The following DIPK1A variants were observed in gnomAD, a reference collection of about 807,000 sequenced individuals.
DIPK1A encodes the protein family with sequence similarity 69 member A.
Under a neutral mutation model 40.8 loss-of-function variants are expected in DIPK1A, and 27 were observed. The observed-to-expected ratio is 0.66, with a 90% CI of 0.49 to 0.91. DIPK1A has a LOEUF of 0.91. Ranked by LOEUF, DIPK1A falls within the 40% of genes least tolerant of loss-of-function variation. DIPK1A has a pLI of 0.00. For synonymous variants in DIPK1A, 166 were observed against 171.3 expected (o/e 0.97, Z 0.24); for missense variants, 412 against 505.7 (o/e 0.81, Z 1.78).
chr1:92,942,362 C>T (rs1276149931), intron 1 of DIPK1A, among the ~76,000 whole-genome samples: 2 of 152,102 alleles, frequency 1.3e-5, no homozygotes, highest in Non-Finnish European at 2.9e-5. Flanking sequence ...CAATTCATTA[C>T]ATTAATATAA....
intron 1 of DIPK1A, among the ~76,000 whole-genome samples, chr1:92,947,257 A>G (rs1401391350): frequency 1.3e-5 from 2 of 152,220 alleles, no homozygotes; most frequent in Admixed American, 1.3e-4. Context: ...TACAAAAATA[A>G]ACATTTTAAG....
chr1:92,836,122 A>G, intron 4 of DIPK1A: 2 of 1,433,436 alleles, frequency 1.4e-6, no homozygotes, highest in Admixed American at 1.7e-5. Context: ...CGGTTATGAC[A>G]TAAGCTATTT....
intron 1 of DIPK1A, among the ~76,000 whole-genome samples, chr1:92,960,857 T>C (rs1219856234): frequency 3.3e-5 from 5 of 152,106 alleles, no homozygotes; most frequent in African/African-American, 1.2e-4. Context: ...GGGGAAACAC[T>C]GGTGTGACAA....
intron 4 of DIPK1A, among the ~76,000 whole-genome samples, chr1:92,834,406 G>T (rs1285754059): frequency 6.6e-6 from 1 of 152,166 alleles, no homozygotes; most frequent in East Asian, 1.9e-4. Flanking sequence ...TTTACAACTA[G>T]GAGAAATTCT....
At position 92,873,026 on chromosome 1, in the gene DIPK1A, A is replaced by T. The variant is rs967715397; in HGVS notation, c.189+3270T>A. On this transcript the variant is annotated intron_variant, in intron 2 of 4. Transcript: ENST00000370310. Reference sequence around the variant, plus strand: ...TGTCCCCAGTAGGGGCTTTCCGCCAACATAAGGTTTCTGCTTCTCAGATCC... The same window carrying T: ...TGTCCCCAGTAGGGGCTTTCCGCCATCATAAGGTTTCTGCTTCTCAGATCC... Among the ~76,000 whole-genome samples, 3 of 152,334 alleles carry T rather than the reference A, an allele frequency of 2.0e-5. No homozygotes were observed. In the South Asian group the frequency reaches 6.2e-4, roughly 32 times the overall value.
At chr1:92,888,200 T>A (rs1648701171) in intron 1 of DIPK1A, among the ~76,000 whole-genome samples, 1 of 152,072 alleles carries the variant, frequency 6.6e-6, no homozygotes, top group African/African-American at 2.4e-5. Context: ...CCCCTTACCC[T>A]TCCCCACCTC....
At chr1:92,844,362 A>C (rs1687504554) in intron 4 of DIPK1A, among the ~76,000 whole-genome samples, 167 bp from the exon 5 acceptor site, 1 of 152,236 alleles carries the variant, frequency 6.6e-6, no homozygotes, top group African/African-American at 2.4e-5. Context: ...ATACTTCCTA[A>C]GTGAACTAGA....
chr1:92,854,393 G>T (rs1207139994), intron 2 of DIPK1A, among the ~76,000 whole-genome samples: 1 of 152,200 alleles, frequency 6.6e-6, no homozygotes, highest in African/African-American at 2.4e-5. Context: ...AGCCCAGTCA[G>T]TTTGGCTCCA....
chr1:92,887,944 A>T (rs1439917057), intron 1 of DIPK1A, among the ~76,000 whole-genome samples: 2 of 151,892 alleles, frequency 1.3e-5, no homozygotes, highest in African/African-American at 4.8e-5. Flanking sequence ...GTTTTTTTTT[A>T]AATTAGGTAA....
At position 92,844,034 on chromosome 1, in the gene DIPK1A, T is replaced by C. The variant is rs1299297208; in HGVS notation, c.636A>G (p.Lys212=). Residue 212 remains lysine (K), a synonymous_variant, in exon 5 of 5, where the codon AAA becomes AAG. Coordinates refer to ENST00000370310, the MANE Select transcript of DIPK1A (RefSeq NM_001006605.5). ...EFLLMVILQD[K]EHTPKLMGFC... is the part of the protein sequence containing the mutation. The stretch of plus-strand genomic sequence containing the variant: ...ATCCCATTAATTTGGGGGTATGTTC[T>C]TTATCTTGAAGTATCACCATGAGAA... 1 of 1,552,168 alleles carries C rather than the reference T, an allele frequency of 6.4e-7. No homozygotes were observed. Among genetic ancestry groups the C allele is most frequent in the Admixed American group, 2.0e-5 (1 of 51,008 alleles).
chr1:92,845,783 T>C (rs1687581429), intron 4 of DIPK1A, among the ~76,000 whole-genome samples: 1 of 150,764 alleles, frequency 6.6e-6, no homozygotes, highest in Admixed American at 6.6e-5. Flanking sequence ...TGCAGTGAGC[T>C]GAGACCATGC....
At position 92,926,238 on chromosome 1, in the gene DIPK1A, T is replaced by C. The variant is rs185558946; in HGVS notation, c.54+35138A>G. On this transcript the variant is annotated intron_variant, in intron 1 of 4. Transcript: ENST00000370310. ...CAGTGCTTTAACTGCATCCCAAAAA[T>C]GCTAACACATTTTTTATTATCATTC... 3.0e-3 allele frequency among the ~76,000 whole-genome samples: 459 copies of C among 152,328 alleles called. 4 individuals are homozygous for C. The highest frequency in any genetic ancestry group is 0.01 in the African/African-American group (427 of 41,586).
At chr1:92,903,083 C>G (rs1186071521) in intron 1 of DIPK1A, among the ~76,000 whole-genome samples, 1 of 152,098 alleles carries the variant, frequency 6.6e-6, no homozygotes, top group Non-Finnish European at 1.5e-5. Context: ...GAAACAGGAT[C>G]TCACTCTATT....
chr1:92,943,764 G>GGGA (rs1232619607), intron 1 of DIPK1A, among the ~76,000 whole-genome samples: 1 of 152,180 alleles, frequency 6.6e-6, no homozygotes, highest in Non-Finnish European at 1.5e-5. Flanking sequence ...CCATTCCGGT[G>GGGA]ATAGGTCTAA....
chr1:92,959,903 CTTTTT>C (rs1157142089), intron 1 of DIPK1A, among the ~76,000 whole-genome samples: 25 of 47,876 alleles, frequency 5.2e-4, no homozygotes, highest in African/African-American at 2.0e-3. Flanking sequence ...ACCCAACCAA[CTTTTT>C]TTTTTTTTTT....
chr1:92,851,309 C>T (rs966379967), intron 2 of DIPK1A, among the ~76,000 whole-genome samples: 3 of 151,854 alleles, frequency 2.0e-5, no homozygotes, highest in South Asian at 4.2e-4. Context: ...TTTGGGAGGC[C>T]GAGGCTGGTG....
At chr1:92,914,860 G>T (rs1429915769) in intron 1 of DIPK1A, among the ~76,000 whole-genome samples, 3 of 146,520 alleles carry the variant, frequency 2.0e-5, no homozygotes, top group African/African-American at 8.1e-5. Context: ...CTGAGGTGGG[G>T]GGATTGCTTA....
Position 92,836,526 on chromosome 1 carries a change from A to G in DIPK1A, c.475-3492T>C, listed in dbSNP as rs1306839103. ...GCTGTATGCCTAGGTACCATGCAGG[A>G]GGAACCTAGTAGGGCAGGAAGGAAT... On this transcript the variant is annotated intron_variant, in intron 4 of 4. Coordinates refer to the DIPK1A transcript ENST00000615519. 6 of 788,518 alleles carry G rather than the reference A, an allele frequency of 7.6e-6. No individual in the cohort carries two copies. In the East Asian group the frequency reaches 1.6e-4, roughly 21 times the overall value. 48.8% of individuals were successfully genotyped at this position (788,518 alleles called of 1,614,324 possible).
chr1:92,860,854 T>G (rs528171696), intron 2 of DIPK1A, among the ~76,000 whole-genome samples: 1 of 152,130 alleles, frequency 6.6e-6, no homozygotes, highest in South Asian at 2.1e-4. Context: ...AAATGTTTCA[T>G]GATTGCTTGA....
Sources: allele counts gnomAD v4.1 joint callset (sites outside exome capture counted in the v4.1 genomes callset), GRCh38; gene constraint gnomAD v4.1.1; transcripts MANE v1.5; gene names NCBI Gene and HGNC (gene_info 2026-07-23, HGNC 2026-07-21).